Variants in SRL observed in about 807,000 individuals in gnomAD.
SRL encodes sarcalumenin.
Under a neutral mutation model 39.5 loss-of-function variants are expected in SRL, and 23 were observed. The ratio of observed to expected loss-of-function variants is 0.58; its 90% CI spans 0.42 to 0.82. SRL has a LOEUF of 0.82. Ranked by LOEUF, SRL falls within the 40% of genes least tolerant of loss-of-function variation. The probability of loss-of-function intolerance (pLI) is 0.00; values close to 1 mark genes in which losing one functional copy is unlikely to be tolerated. For missense variants in SRL, 592 were observed against 607.8 expected (o/e 0.97, Z 0.27); for synonymous variants, 272 against 237.4 (o/e 1.15, Z -1.34).
intron 1 of SRL, chr16:4,207,135 G>A (rs1053184000): frequency 2.2e-6 from 1 of 456,748 alleles, no homozygotes; most frequent in Non-Finnish European, 4.4e-6. Context: ...GGCGCCCTCT[G>A]CTTCTTCTGA....
At chr16:4,207,391 G>C (rs748988667) in intron 1 of SRL, 1 of 456,648 alleles carries the variant, frequency 2.2e-6, no homozygotes, top group Middle Eastern at 3.3e-4. Context: ...TCACTGGCTT[G>C]TGTGTCAATA....
chr16:4,228,404 C>G (rs1177058679), intron 1 of SRL, among the ~76,000 whole-genome samples: 1 of 152,036 alleles, frequency 6.6e-6, no homozygotes, highest in African/African-American at 2.4e-5. Flanking sequence ...CCACTGCACT[C>G]CAACCCGGGC....
At chr16:4,238,916 C>G (rs551621509) in intron 1 of SRL, among the ~76,000 whole-genome samples, 1 of 151,986 alleles carries the variant, frequency 6.6e-6, no homozygotes, top group Admixed American at 6.6e-5. Flanking sequence ...CCACTGTGTC[C>G]GACCACCGTG....
intron 3 of SRL, among the ~76,000 whole-genome samples, chr16:4,201,637 TTTTGTTTG>T (rs3081045): frequency 0.59 from 72,470 of 122,046 alleles, 25,780 homozygotes; most frequent in South Asian, 0.77. Context: ...TGTGTGTGTG[TTTTGTTTG>T]TTTGTTTGTT....
chr16:4,207,625 C>G, intron 1 of SRL: 2 of 441,800 alleles, frequency 4.5e-6, no homozygotes, highest in Admixed American at 2.4e-5. Flanking sequence ...TCGGGGAGTT[C>G]ATGGCCCCCA....
At chr16:4,232,042 C>T (rs540794280) in intron 1 of SRL, among the ~76,000 whole-genome samples, 32 of 152,320 alleles carry the variant, frequency 2.1e-4, no homozygotes, top group African/African-American at 7.2e-4. Flanking sequence ...TTGCTCTGCC[C>T]CCGGGTTCCG....
At chr16:4,198,438 G>GTC (rs145968975) in intron 3 of SRL, among the ~76,000 whole-genome samples, 20 of 152,040 alleles carry the variant, frequency 1.3e-4, no homozygotes, top group African/African-American at 4.6e-4. Flanking sequence ...TGAGGCCAGT[G>GTC]TCTCTCTCTC....
At chr16:4,196,601 C>T (rs1321940446) in intron 4 of SRL, among the ~76,000 whole-genome samples, 5 of 151,886 alleles carry the variant, frequency 3.3e-5, no homozygotes, top group Non-Finnish European at 7.4e-5. Flanking sequence ...CTGCCTCAGC[C>T]TCCCAAGTAG....
At chr16:4,210,693 G>C (rs1056816882) in intron 1 of SRL, among the ~76,000 whole-genome samples, 1 of 152,024 alleles carries the variant, frequency 6.6e-6, no homozygotes, top group Non-Finnish European at 1.5e-5. Flanking sequence ...ATGTTGGCTA[G>C]GCTGGTCTTG....
intron 1 of SRL, among the ~76,000 whole-genome samples, chr16:4,222,509 G>A (rs942395215): frequency 1.3e-5 from 2 of 152,110 alleles, no homozygotes; most frequent in Non-Finnish European, 2.9e-5. Flanking sequence ...TCCTGACTCA[G>A]GTGATCCACC....
chr16:4,219,698 T>C (rs950422554), intron 1 of SRL, among the ~76,000 whole-genome samples: 1 of 152,128 alleles, frequency 6.6e-6, no homozygotes, highest in East Asian at 1.9e-4. Flanking sequence ...TGCACTCAAG[T>C]GATCCTCCCG....
intron 3 of SRL, 90 bp from the exon 4 acceptor site, chr16:4,198,005 A>G: frequency 1.1e-6 from 1 of 871,838 alleles, no homozygotes; most frequent in Non-Finnish European, 1.9e-6. Context: ...CTCACCGTCC[A>G]TCCAACTGAG....
intron 1 of SRL, among the ~76,000 whole-genome samples, chr16:4,208,355 A>C (rs1002011097): frequency 1.3e-5 from 2 of 152,116 alleles, no homozygotes; most frequent in African/African-American, 4.8e-5. Context: ...GTCCATCACT[A>C]ACGAAGTGAG....
chr16:4,219,626 A>AT (rs1200214892), intron 1 of SRL, among the ~76,000 whole-genome samples: 1 of 151,768 alleles, frequency 6.6e-6, no homozygotes, highest in African/African-American at 2.4e-5. Context: ...CCTAGGTAAT[A>AT]TTTTTTATAT....
intron 1 of SRL, among the ~76,000 whole-genome samples, chr16:4,229,017 C>T (rs1036606373): frequency 6.6e-6 from 1 of 152,150 alleles, no homozygotes; most frequent in African/African-American, 2.4e-5. Context: ...GAAGGTTCCA[C>T]ACACACACTT....
chr16:4,209,721 C>T lies in SRL; in HGVS notation c.62-5087G>A, dbSNP rs146932623. On this transcript the variant is annotated intron_variant, in intron 1 of 5. Coordinates refer to ENST00000399609, the MANE Select transcript of SRL (RefSeq NM_001098814.2). ...GGTGCCTTTTATTATAGAGGAGCCC[C>T]GTGGATTGAAATATACAACTTTTCC... Among the ~76,000 whole-genome samples, 525 of 152,278 alleles carry T rather than the reference C, an allele frequency of 3.4e-3. 2 individuals are homozygous for T. The highest frequency in any genetic ancestry group is 0.013 in the Admixed American group (196 of 15,284).
At chr16:4,203,141 C>T (rs1213016124) in intron 3 of SRL, 25 bp downstream of exon 3, 2 of 1,602,622 alleles carry the variant, frequency 1.2e-6, no homozygotes, top group Non-Finnish European at 1.7e-6. Flanking sequence ...TAATCTCAAG[C>T]CCTACCTGTT....
At chr16:4,217,982 G>T (rs1308495787) in intron 1 of SRL, among the ~76,000 whole-genome samples, 3 of 152,164 alleles carry the variant, frequency 2.0e-5, no homozygotes, top group Non-Finnish European at 2.9e-5. Flanking sequence ...GGAGCTGCAG[G>T]GTGCCTGGGG....
At chr16:4,228,688 TCA>T (rs1555456931) in intron 1 of SRL, among the ~76,000 whole-genome samples, 2 of 150,800 alleles carry the variant, frequency 1.3e-5, no homozygotes, top group Non-Finnish European at 3.0e-5. Context: ...TGAGCCAAGA[TCA>T]TGCCACTGCA....
Sources: gnomAD v4.1 joint callset for allele counts (sites outside exome capture counted in the v4.1 genomes callset) on GRCh38, gnomAD v4.1.1 for gene constraint, MANE v1.5 for transcripts, NCBI Gene and HGNC (gene_info 2026-07-23, HGNC 2026-07-21) for gene names.